DPH6: variants seen among roughly 807,000 people sequenced by gnomAD.
DPH6 encodes the protein diphthine--ammonia ligase.
In DPH6, 33 loss-of-function variants were observed where a neutral mutation model predicts 38.2. That is an observed-to-expected ratio of 0.86 (90% CI 0.65 to 1.15). DPH6 has a LOEUF of 1.15. Ranked by LOEUF, DPH6 falls within the 50% of genes most tolerant of loss-of-function variation. The probability of loss-of-function intolerance (pLI) is 0.00; values close to 1 mark genes in which losing one functional copy is unlikely to be tolerated. For missense variants in DPH6, 325 were observed against 320.0 expected (o/e 1.02, Z -0.12); for synonymous variants, 108 against 103.0 (o/e 1.05, Z -0.30).
chr15:35,442,417 T>C (rs2053800351), intron 5 of DPH6, among the ~76,000 whole-genome samples: 1 of 152,172 alleles, frequency 6.6e-6, no homozygotes, highest in South Asian at 2.1e-4. Flanking sequence ...CCCTCATTCA[T>C]TGCTAGTGGG....
intron 3 of DPH6, among the ~76,000 whole-genome samples, chr15:35,282,120 GTTGT>G (rs1488877921): frequency 6.6e-6 from 1 of 151,978 alleles, no homozygotes; most frequent in Non-Finnish European, 1.5e-5. Flanking sequence ...TTTCTAGTTC[GTTGT>G]TTGTTTTTGC....
chr15:35,408,698 C>T (rs560777303), intron 6 of DPH6, among the ~76,000 whole-genome samples: 117 of 151,966 alleles, frequency 7.7e-4, no homozygotes, highest in Non-Finnish European at 1.0e-3. Flanking sequence ...AGAAACATTT[C>T]AAGAAGATGT....
intron 3 of DPH6, among the ~76,000 whole-genome samples, chr15:35,342,519 G>C (rs1279381103): frequency 6.6e-6 from 1 of 152,182 alleles, no homozygotes; most frequent in Non-Finnish European, 1.5e-5. Flanking sequence ...CCCAATGCAA[G>C]AACCTGGATA....
downstream of DPH6, among the ~76,000 whole-genome samples, chr15:35,368,523 G>GA (rs781685293): frequency 3.0e-4 from 45 of 152,094 alleles, no homozygotes; most frequent in Non-Finnish European, 5.9e-4. Context: ...TAGAGAATAT[G>GA]AAAGCAAGGA....
intron 3 of DPH6, among the ~76,000 whole-genome samples, chr15:35,501,277 A>G (rs1362445751): frequency 2.0e-5 from 3 of 152,148 alleles, no homozygotes; most frequent in African/African-American, 7.2e-5. Flanking sequence ...AATCTCTCTT[A>G]TTAATATCTT....
chr15:35,260,931 C>T (rs1372760013), intron 3 of DPH6, among the ~76,000 whole-genome samples: 1 of 152,154 alleles, frequency 6.6e-6, no homozygotes. Context: ...TCTTGAAGAA[C>T]TCTAAGTCTT....
chr15:35,507,338 T>A (rs1019142605), intron 3 of DPH6, among the ~76,000 whole-genome samples: 1 of 152,012 alleles, frequency 6.6e-6, no homozygotes, highest in African/African-American at 2.4e-5. Context: ...TCACAATAAT[T>A]TCTATGTATG....
rs113957562 is a variant in DPH6 at position 35,511,649 on chromosome 15, G to A, written c.312+26625C>T. Among the ~76,000 whole-genome samples the A allele has an allele frequency of 7.0e-3, 1,064 of 151,884 alleles. 19 individuals carry two copies. The highest frequency in any genetic ancestry group is 0.023 in the African/African-American group (963 of 41,384). On this transcript the variant is annotated intron_variant, in intron 3 of 8. Coordinates refer to ENST00000256538, the MANE Select transcript of DPH6 (RefSeq NM_080650.4). ...TCCTACTTATCCCCATGCTCAAGTC[G>A]GTGTAATAGCAGCGTTTTCATATCA...
intron 5 of DPH6, among the ~76,000 whole-genome samples, chr15:35,449,618 T>C (rs1039522047): frequency 7.9e-5 from 12 of 151,810 alleles, no homozygotes; most frequent in Admixed American, 2.0e-4. Flanking sequence ...CAGAGTCACA[T>C]AGAAATTCAT....
At chr15:35,436,339 G>A (rs564300266) in intron 5 of DPH6, among the ~76,000 whole-genome samples, 86 of 151,652 alleles carry the variant, frequency 5.7e-4, no homozygotes, top group Admixed American at 3.3e-3. Context: ...GGTGGTGGGC[G>A]CCTGTACTCC....
At chr15:35,330,460 T>G (rs2052318933), downstream of DPH6, among the ~76,000 whole-genome samples, 1 of 152,194 alleles carries the variant, frequency 6.6e-6, no homozygotes, top group Non-Finnish European at 1.5e-5. Context: ...CTCACGTGAT[T>G]CCCAAGACAG....
chr15:35,195,697 G>A, the DPH6 span, among the ~76,000 whole-genome samples: 1 of 152,180 alleles, frequency 6.6e-6, no homozygotes, highest in South Asian at 2.1e-4. Context: ...AAGTGCCCTG[G>A]CCATGCTGCC....
intron 3 of DPH6, among the ~76,000 whole-genome samples, chr15:35,336,184 T>C (rs532743318): frequency 6.6e-6 from 1 of 152,280 alleles, no homozygotes; most frequent in South Asian, 2.1e-4. Flanking sequence ...TGCTTGCCTG[T>C]TGTTGGTGTA....
At chr15:35,489,747 A>C (rs2054451931) in intron 3 of DPH6, 1 of 981,528 alleles carries the variant, frequency 1.0e-6, no homozygotes, top group Admixed American at 6.2e-5. Context: ...AGTATACAGA[A>C]ACTATAAAGT....
At chr15:35,165,232 A>G in the DPH6 span, among the ~76,000 whole-genome samples, 1 of 151,920 alleles carries the variant, frequency 6.6e-6, no homozygotes, top group Non-Finnish European at 1.5e-5. Context: ...GTAAGTAGGC[A>G]GGGATTTTGC....
intron 3 of DPH6, among the ~76,000 whole-genome samples, chr15:35,339,359 C>T (rs1025100562): frequency 1.3e-5 from 2 of 151,250 alleles, no homozygotes; most frequent in African/African-American, 4.9e-5. Context: ...GAGTTTCGCT[C>T]TGTCACCCAG....
intron 3 of DPH6, among the ~76,000 whole-genome samples, chr15:35,499,170 T>C (rs1034067299): frequency 2.6e-5 from 4 of 152,082 alleles, no homozygotes; most frequent in Non-Finnish European, 5.9e-5. Context: ...GAACACCAGA[T>C]ATTAAATAAA....
At chr15:35,318,169 T>C (rs2052209785) in intron 3 of DPH6, among the ~76,000 whole-genome samples, 1 of 151,834 alleles carries the variant, frequency 6.6e-6, no homozygotes, top group Non-Finnish European at 1.5e-5. Flanking sequence ...AATACAAGGA[T>C]AGAGAAAGGT....
chr15:35,332,716 A>G (rs1162503608), intron 3 of DPH6, among the ~76,000 whole-genome samples: 1 of 152,148 alleles, frequency 6.6e-6, no homozygotes, highest in Non-Finnish European at 1.5e-5. Context: ...AGCCCTCAAA[A>G]GAGTGTCTAT....
Sources: allele counts gnomAD v4.1 joint callset (sites outside exome capture counted in the v4.1 genomes callset), GRCh38; gene constraint gnomAD v4.1.1; transcripts MANE v1.5; gene names NCBI Gene and HGNC (gene_info 2026-07-23, HGNC 2026-07-21).